Variants in NTRK2 observed in about 807,000 individuals in gnomAD.
NTRK2 encodes the protein neurotrophic receptor tyrosine kinase 2, also known as BDNF/NT-3 growth factors receptor.
In NTRK2, 13 loss-of-function variants were observed where a neutral mutation model predicts 94.5. That is an observed-to-expected ratio of 0.14 (90% CI 0.09 to 0.22). NTRK2 has a LOEUF of 0.22. Ranked by LOEUF, NTRK2 falls within the 10% of genes least tolerant of loss-of-function variation. The probability of loss-of-function intolerance (pLI) is 1.00; values close to 1 mark genes in which losing one functional copy is unlikely to be tolerated. For missense variants in NTRK2, 639 were observed against 1,071.2 expected (o/e 0.60, Z 5.63); for synonymous variants, 372 against 407.4 (o/e 0.91, Z 1.05).
intron 6 of NTRK2, among the ~76,000 whole-genome samples, chr9:84,721,179 CTTT>C (rs150800902): frequency 3.9e-4 from 57 of 147,028 alleles, no homozygotes; most frequent in Admixed American, 4.7e-4. Context: ...TCATAATAAT[CTTT>C]TTTTTTTTTT....
intron 17 of NTRK2, among the ~76,000 whole-genome samples, chr9:85,016,238 C>T (rs1832210240): frequency 6.6e-6 from 1 of 152,166 alleles, no homozygotes; most frequent in African/African-American, 2.4e-5. Context: ...CCTGAGGGTA[C>T]CTGCTCAAGC....
chr9:84,982,881 C>T (rs1356609855), intron 17 of NTRK2, among the ~76,000 whole-genome samples: 3 of 151,952 alleles, frequency 2.0e-5, no homozygotes, highest in Non-Finnish European at 4.4e-5. Context: ...TGATGTTTAT[C>T]AAAGGGGATG....
intron 14 of NTRK2, among the ~76,000 whole-genome samples, chr9:84,923,786 C>A (rs1181326169): frequency 6.6e-6 from 1 of 151,976 alleles, no homozygotes; most frequent in Non-Finnish European, 1.5e-5. Flanking sequence ...TATGGTGGCA[C>A]ACACCTAAAA....
chr9:84,858,887 A>G lies in NTRK2; in HGVS notation c.1397-2153A>G, dbSNP rs116562694. Among the ~76,000 whole-genome samples the G allele has an allele frequency of 4.7e-3, 714 of 152,318 alleles. 8 individuals carry two copies. The highest frequency in any genetic ancestry group is 0.016 in the African/African-American group (677 of 41,568). On this transcript the variant is annotated intron_variant, in intron 12 of 18. Coordinates refer to ENST00000277120, the MANE Select transcript of NTRK2 (RefSeq NM_006180.6). ...CTAAAAAAGAATGAAAAAAAAACCC[A>G]CTATGATTTGACATCAGAAGATATG...
intron 14 of NTRK2, chr9:84,875,437 GC>G: frequency 9.4e-7 from 1 of 1,062,216 alleles, no homozygotes; most frequent in Non-Finnish European, 1.1e-6. Flanking sequence ...TTCTGACAAG[GC>G]AGGCTGAGAG....
At chr9:84,685,383 T>C (rs2059649101) in intron 2 of NTRK2, among the ~76,000 whole-genome samples, 1 of 146,920 alleles carries the variant, frequency 6.8e-6, no homozygotes, top group Non-Finnish European at 1.5e-5. Context: ...TTTTTTCTAC[T>C]TGAAGTATTA....
At chr9:84,715,414 A>G (rs2061654562) in intron 6 of NTRK2, among the ~76,000 whole-genome samples, 1 of 152,142 alleles carries the variant, frequency 6.6e-6, no homozygotes, top group Non-Finnish European at 1.5e-5. Flanking sequence ...TAACTGCATC[A>G]TTCTCATTAA....
intron 14 of NTRK2, among the ~76,000 whole-genome samples, chr9:84,914,728 G>A (rs999289569): frequency 6.6e-6 from 1 of 152,134 alleles, no homozygotes; most frequent in African/African-American, 2.4e-5. Flanking sequence ...TTTTTCTGGG[G>A]ATTTTTTTCT....
intron 14 of NTRK2, among the ~76,000 whole-genome samples, chr9:84,900,059 A>C (rs2076880818): frequency 6.6e-6 from 1 of 152,190 alleles, no homozygotes; most frequent in Non-Finnish European, 1.5e-5. Context: ...ATCTCAAGTA[A>C]AAGGAACATG....
chr9:84,706,994 GC>G (rs1480040571), intron 4 of NTRK2, among the ~76,000 whole-genome samples: 1 of 152,040 alleles, frequency 6.6e-6, no homozygotes, highest in Non-Finnish European at 1.5e-5. Context: ...ACATCTTGAG[GC>G]CCAAGCATCG....
At chr9:84,773,577 C>T (rs1385130424) in intron 12 of NTRK2, among the ~76,000 whole-genome samples, 1 of 152,116 alleles carries the variant, frequency 6.6e-6, no homozygotes, top group African/African-American at 2.4e-5. Context: ...TCTCTTTTCT[C>T]TCTCTCTCTC....
chr9:84,736,670 G>T (rs961103210), intron 9 of NTRK2, among the ~76,000 whole-genome samples: 2 of 152,182 alleles, frequency 1.3e-5, no homozygotes, highest in African/African-American at 4.8e-5. Context: ...TGATAATTAA[G>T]ATTTATACTT....
chr9:84,693,560 G>A (rs1191812336), intron 2 of NTRK2, among the ~76,000 whole-genome samples: 2 of 152,082 alleles, frequency 1.3e-5, no homozygotes, highest in Admixed American at 1.3e-4. Flanking sequence ...ATTTCCTCTT[G>A]CACTAGAGGC....
At chr9:84,941,682 G>T (rs952936793) in intron 15 of NTRK2, among the ~76,000 whole-genome samples, 3 of 152,180 alleles carry the variant, frequency 2.0e-5, no homozygotes, top group Admixed American at 6.5e-5. Flanking sequence ...TTATGCTGGT[G>T]TATTTAAAGC....
rs117646833 is a variant in NTRK2, at chr9:84,880,276, G to A, written c.1633+12845G>A. On this transcript the variant is annotated intron_variant, in intron 14 of 18. Transcript: ENST00000277120. ...GGAGCATGTTGAGGTGCATATATTTGCTGAGTTTCTGTAGGCAATGCTGGG... is the reference window on the plus strand; with the variant it reads ...GGAGCATGTTGAGGTGCATATATTTACTGAGTTTCTGTAGGCAATGCTGGG... 6.9e-3 allele frequency among the ~76,000 whole-genome samples: 1,058 copies of A among 152,270 alleles called. 9 individuals carry two copies. The highest frequency in any genetic ancestry group is 0.01 in the Middle Eastern group (3 of 294).
rs563746999 is a variant in NTRK2, at chr9:85,010,097, A to G, written c.2173-10109A>G. Among the ~76,000 whole-genome samples, 3 of 152,276 alleles carry G rather than the reference A, an allele frequency of 2.0e-5. No individual in the cohort carries two copies. In the East Asian group the frequency reaches 5.8e-4, roughly 29 times the overall value. On this transcript the variant is annotated intron_variant, in intron 17 of 18. Transcript: ENST00000277120. The stretch of plus-strand genomic sequence containing the variant: ...ACGCAGGACAGCAGTCATCACCACA[A>G]TCACAGATGATATGGAGAGTACTAT...
intron 15 of NTRK2, among the ~76,000 whole-genome samples, chr9:84,938,820 G>A (rs117066977): frequency 0.023 from 3,523 of 152,174 alleles, 100 homozygotes; most frequent in South Asian, 0.087. Context: ...GGAGGCCAAG[G>A]CAGATGAATT....
At chr9:84,827,856 A>T (rs555590338) in intron 12 of NTRK2, among the ~76,000 whole-genome samples, 2 of 152,252 alleles carry the variant, frequency 1.3e-5, no homozygotes, top group East Asian at 3.9e-4. Flanking sequence ...CCTAAGCCCC[A>T]TATCTTTGAT....
At chr9:84,722,685 ATGCAGTT>A (rs1342753217) in intron 6 of NTRK2, among the ~76,000 whole-genome samples, 1 of 152,200 alleles carries the variant, frequency 6.6e-6, no homozygotes, top group Non-Finnish European at 1.5e-5. Flanking sequence ...CATGATTCTT[ATGCAGTT>A]TAAAGCAGTG....
Sources: allele counts gnomAD v4.1 joint callset (sites outside exome capture counted in the v4.1 genomes callset), GRCh38; gene constraint gnomAD v4.1.1; transcripts MANE v1.5; gene names NCBI Gene and HGNC (gene_info 2026-07-23, HGNC 2026-07-21).